TRPC5: variants seen among roughly 807,000 people sequenced by gnomAD.
The protein encoded by TRPC5 is transient receptor potential cation channel subfamily C member 5, also known as short transient receptor potential channel 5.
TRPC5 carries 9 observed loss-of-function variants against 56.5 expected under a neutral mutation model. The observed-to-expected ratio is 0.16, with a 90% confidence interval of 0.10 to 0.28. The LOEUF (loss-of-function observed/expected upper bound fraction) is 0.28. TRPC5 is among the 10% of genes least tolerant of loss of function. The probability of loss-of-function intolerance (pLI) is 1.00; values close to 1 mark genes in which losing one functional copy is unlikely to be tolerated. For missense variants in TRPC5, 469 were observed against 748.9 expected (o/e 0.63, Z 4.36); for synonymous variants, 282 against 278.5 (o/e 1.01, Z -0.13).
At chrX:111,805,310 C>T (rs1373135769) in intron 7 of TRPC5, among the ~76,000 whole-genome samples, 1 of 111,550 alleles carries the variant, frequency 9.0e-6, no homozygotes, top group African/African-American at 3.3e-5. Context: ...GTCTAAAATT[C>T]TCTTTTTTTG....
intron 7 of TRPC5, among the ~76,000 whole-genome samples, chrX:111,794,504 C>T (rs1008515216): frequency 8.9e-6 from 1 of 112,044 alleles, no homozygotes; most frequent in Non-Finnish European, 1.9e-5. Context: ...GTGTACAGCT[C>T]TTCTGCATGT....
At chrX:111,828,822 T>A (rs1203615927) in intron 7 of TRPC5, among the ~76,000 whole-genome samples, 1 of 111,955 alleles carries the variant, frequency 8.9e-6, no homozygotes, top group African/African-American at 3.2e-5. Context: ...GACAATGAAG[T>A]CCAGGCTGAG....
At chrX:112,056,999 C>T (rs1235016676) in intron 1 of TRPC5, among the ~76,000 whole-genome samples, 1 of 112,345 alleles carries the variant, frequency 8.9e-6, no homozygotes, top group Non-Finnish European at 1.9e-5. Flanking sequence ...GGTCTGGCTT[C>T]AGCAATTTTA....
intron 2 of TRPC5, among the ~76,000 whole-genome samples, chrX:111,932,966 C>T (rs193264518): frequency 1.8e-5 from 2 of 112,104 alleles, no homozygotes; most frequent in Admixed American, 1.9e-4. Flanking sequence ...ATTGTGCATT[C>T]ACTTCCTTCT....
intron 3 of TRPC5, among the ~76,000 whole-genome samples, chrX:111,887,615 T>C (rs756172899): frequency 8.9e-6 from 1 of 112,396 alleles, no homozygotes; most frequent in Admixed American, 9.4e-5. Flanking sequence ...CTCTGGATTT[T>C]AATTTTCCTA....
At chrX:111,962,766 G>C (rs1431078284) in intron 1 of TRPC5, among the ~76,000 whole-genome samples, 1 of 112,454 alleles carries the variant, frequency 8.9e-6, no homozygotes, top group Non-Finnish European at 1.9e-5. Context: ...TCATGCTACA[G>C]AGAAATCTTT....
At chrX:111,911,351 T>G (rs1012099468) in intron 3 of TRPC5, among the ~76,000 whole-genome samples, 1 of 112,310 alleles carries the variant, frequency 8.9e-6, no homozygotes, top group African/African-American at 3.2e-5. Context: ...CAATCCCCTA[T>G]GAAGTGAAGA....
intron 2 of TRPC5, among the ~76,000 whole-genome samples, chrX:111,918,162 G>T (rs779422468): frequency 9.0e-6 from 1 of 111,601 alleles, no homozygotes; most frequent in South Asian, 3.9e-4. Flanking sequence ...GTGAGGTGGA[G>T]GTTGATCTTA....
rs1945847222 is a variant in TRPC5, at chrX:111,772,195, C to T, written c.*4118G>A. ...GGTACTCAGATCCCACTGCCGAGTC[C>T]TACACCAACAAGGTGGATATTTGGA... On this transcript the variant is annotated 3_prime_UTR_variant, in exon 11 of 11. Coordinates refer to ENST00000262839, the MANE Select transcript of TRPC5 (RefSeq NM_012471.3). 9.0e-6 allele frequency among the ~76,000 whole-genome samples: 1 copy of T among 111,568 alleles called. No individual in the cohort carries two copies. The highest frequency in any genetic ancestry group is 1.9e-5 in the Non-Finnish European group (1 of 53,077).
intron 7 of TRPC5, among the ~76,000 whole-genome samples, chrX:111,792,850 A>G (rs931748944): frequency 3.6e-5 from 4 of 112,035 alleles, no homozygotes; most frequent in African/African-American, 1.3e-4. Context: ...CAGTCCAGCT[A>G]TTGTTACACA....
In TRPC5 at chrX:111,934,225, C is replaced by T. The variant is rs61705266; in HGVS notation, c.378+17818G>A. 8.6e-3 allele frequency among the ~76,000 whole-genome samples: 902 copies of T among 104,617 alleles called. 9 individuals carry two copies. Among genetic ancestry groups the T allele is most frequent in the African/African-American group, 0.03 (873 of 28,786 alleles). 90.8% of individuals were successfully genotyped at this position (104,617 alleles called of 115,157 possible). On this transcript the variant is annotated intron_variant, in intron 2 of 10. Transcript: ENST00000262839. ...CCAGTGCCATAAAGTGTTTCTCCTT[C>T]GTTTTTTTGTTTTGTTTTGTTTTGT... is the stretch of plus-strand genomic sequence containing the variant.
At chrX:111,995,918 C>A (rs1411914986) in intron 1 of TRPC5, among the ~76,000 whole-genome samples, 5 of 109,042 alleles carry the variant, frequency 4.6e-5, no homozygotes, top group Non-Finnish European at 9.5e-5. Flanking sequence ...TTGATTTTTT[C>A]AAAAATCCAG....
chrX:111,850,736 G>A (rs1164874428), intron 5 of TRPC5, among the ~76,000 whole-genome samples: 1 of 112,202 alleles, frequency 8.9e-6, no homozygotes, highest in Non-Finnish European at 1.9e-5. Context: ...TGATGGAGAA[G>A]TATCTAACTC....
intron 1 of TRPC5, among the ~76,000 whole-genome samples, chrX:111,985,171 C>T (rs111667033): frequency 8.9e-6 from 1 of 112,165 alleles, no homozygotes; most frequent in African/African-American, 3.2e-5. Flanking sequence ...TTCACTTGGC[C>T]TTTTCCACCG....
At chrX:111,784,406 G>C (rs946478780) in intron 7 of TRPC5, among the ~76,000 whole-genome samples, 2 of 112,120 alleles carry the variant, frequency 1.8e-5, no homozygotes, top group African/African-American at 3.2e-5. Context: ...TCTGATAAGG[G>C]ACTTGTATCA....
rs1249504779 is a variant in TRPC5, at chrX:112,023,929, C to G, written c.-22+57950G>C. Among the ~76,000 whole-genome samples the G allele has an allele frequency of 2.7e-5, 3 of 111,537 alleles. No homozygotes were observed. The Admixed American group carries it at 2.9e-4, about 11-fold the overall frequency. On this transcript the variant is annotated intron_variant, in intron 1 of 10. Coordinates refer to ENST00000262839, the MANE Select transcript of TRPC5 (RefSeq NM_012471.3). ...GAAAAGGGGGTGAGAGCAGTTCCAACTAGCAATATTACACCCCTCCCTCAT... is the reference window on the plus strand; with the variant it reads ...GAAAAGGGGGTGAGAGCAGTTCCAAGTAGCAATATTACACCCCTCCCTCAT...
chrX:111,774,232 A>G lies in TRPC5; in HGVS notation c.*2081T>C, dbSNP rs761982724. 1 of 112,111 alleles carries G rather than the reference A, an allele frequency of 8.9e-6. No homozygotes were observed. The highest frequency in any genetic ancestry group is 9.5e-5 in the Admixed American group (1 of 10,578). The allele number at this position is 112,111 out of a possible 1,213,427, so 9.2% of individuals were successfully genotyped here. A position where few individuals can be genotyped will look rare whatever the true frequency, so the allele number is the denominator to read the frequency against. ...TGATAAGGTCACTGCTAGAAAACTT[A>G]TAAGTTTTCAGAAGTGATATACATT... On this transcript the variant is annotated 3_prime_UTR_variant, in exon 11 of 11. Coordinates refer to ENST00000262839, the MANE Select transcript of TRPC5 (RefSeq NM_012471.3).
At chrX:111,991,368 C>T (rs1255652325) in intron 1 of TRPC5, among the ~76,000 whole-genome samples, 1 of 112,095 alleles carries the variant, frequency 8.9e-6, no homozygotes, top group African/African-American at 3.2e-5. Context: ...TTAGCTGAAC[C>T]ATACAGATTA....
At position 111,782,897 on chromosome X, in the gene TRPC5, A is replaced by G. The variant is rs186728180; in HGVS notation, c.1897-759T>C. Among the ~76,000 whole-genome samples the G allele has an allele frequency of 7.3e-5, 8 of 110,189 alleles. No homozygotes were observed. In the East Asian group the frequency reaches 2.3e-3, roughly 31 times the overall value. On this transcript the variant is annotated intron_variant, in intron 7 of 10. Coordinates refer to ENST00000262839, the MANE Select transcript of TRPC5 (RefSeq NM_012471.3). ...TGCATTGACTGATGTAACTGTTACT[A>G]CAATCAGGATACACAACAGTTCTAT...
Sources: allele counts gnomAD v4.1 joint callset (sites outside exome capture counted in the v4.1 genomes callset), GRCh38; gene constraint gnomAD v4.1.1; transcripts MANE v1.5; gene names NCBI Gene and HGNC (gene_info 2026-07-23, HGNC 2026-07-21).